DLGAP2: variants seen among roughly 807,000 people sequenced by gnomAD.
DLGAP2 encodes the protein DLG associated protein 2, also known as disks large-associated protein 2.
Under a neutral mutation model 100.3 loss-of-function variants are expected in DLGAP2, and 26 were observed. The observed-to-expected ratio is 0.26, with a 90% CI of 0.19 to 0.36. The LOEUF is 0.36. Ranked by LOEUF, DLGAP2 falls within the 10% of genes least tolerant of loss-of-function variation. The pLI is 1.00. For synonymous variants in DLGAP2, 886 were observed against 630.1 expected, an observed-to-expected ratio of 1.41 and a Z score of -6.08; for missense variants, 1,858 against 1,453.2, an observed-to-expected ratio of 1.28 and a Z score of -4.53.
At chr8:1,098,716 G>GCCCACGGGCGCCGCCA (rs1804479405) in intron 2 of DLGAP2, among the ~76,000 whole-genome samples, 1 of 132,226 alleles carries the variant, frequency 7.6e-6, no homozygotes, top group Non-Finnish European at 1.6e-5. Flanking sequence ...GCTCCCGGCC[G>GCCCACGGGCGCCGCCA]CCCACGGGCG....
At chr8:868,881 G>T (rs938659978) in intron 1 of DLGAP2, among the ~76,000 whole-genome samples, 1 of 152,198 alleles carries the variant, frequency 6.6e-6, no homozygotes, top group Non-Finnish European at 1.5e-5. Context: ...GGGCCGCGCA[G>T]GTTCCAGTCA....
At chr8:1,429,651 C>T (rs373022716) in intron 3 of DLGAP2, among the ~76,000 whole-genome samples, 11 of 151,912 alleles carry the variant, frequency 7.2e-5, no homozygotes, top group East Asian at 2.0e-4. Flanking sequence ...TTCCACTGCC[C>T]GGTGTCAGCA....
intron 1 of DLGAP2, among the ~76,000 whole-genome samples, chr8:806,021 T>TTTGAGGAAGAAAAAGATAGATAGAATTG (rs1796262160): frequency 6.6e-6 from 1 of 152,244 alleles, no homozygotes; most frequent in African/African-American, 2.4e-5. Context: ...GATAGAATGA[T>TTTGAGGAAGAAAAAGATAGATAGAATTG]GCATTTTGCC....
intron 3 of DLGAP2, chr8:1,301,918 A>AGGG (rs938776215): frequency 1.3e-5 from 2 of 152,324 alleles, no homozygotes; most frequent in African/African-American, 2.4e-5. Flanking sequence ...GGTCCCAGGG[A>AGGG]GGGGGGAGGA....
rs1298048346 is a variant in DLGAP2 at position 988,587 on chromosome 8, C to T, written c.73+80621C>T. 3.3e-5 allele frequency among the ~76,000 whole-genome samples: 5 copies of T among 152,202 alleles called. No individual in the cohort carries two copies. The East Asian group carries it at 7.7e-4, about 23-fold the overall frequency. On this transcript the variant is annotated intron_variant, in intron 2 of 14. Coordinates refer to ENST00000637795, the MANE Select transcript of DLGAP2 (RefSeq NM_001346810.2). ...GCTTGTCCCTGGGGGTGTCTGGCCT[C>T]AGCCTCCTCCCTTCCAGGGTCTGAT... is the stretch of plus-strand genomic sequence containing the variant.
chr8:1,111,551 G>A (rs766451273), intron 2 of DLGAP2, among the ~76,000 whole-genome samples: 8 of 151,894 alleles, frequency 5.3e-5, no homozygotes, highest in Non-Finnish European at 1.0e-4. Context: ...TCCCCTCCCC[G>A]CTCCCATATG....
At chr8:1,463,148 C>T (rs992211177) in intron 3 of DLGAP2, among the ~76,000 whole-genome samples, 4 of 152,254 alleles carry the variant, frequency 2.6e-5, no homozygotes, top group East Asian at 1.9e-4. Context: ...ACTCGGGAGG[C>T]TGAGGCAGGA....
At chr8:1,323,203 G>C (rs1563082731) in intron 3 of DLGAP2, among the ~76,000 whole-genome samples, 1 of 151,862 alleles carries the variant, frequency 6.6e-6, no homozygotes, top group Non-Finnish European at 1.5e-5. Context: ...CTTACTTTTT[G>C]TATTTTACTG....
chr8:1,183,501 G>A (rs73534902), intron 2 of DLGAP2, among the ~76,000 whole-genome samples: 11,897 of 152,208 alleles, frequency 0.078, 1,375 homozygotes, highest in African/African-American at 0.25. Flanking sequence ...AGGGTTCCAA[G>A]CCCTGGAAAT....
At chr8:1,124,880 A>C (rs1796130384) in intron 2 of DLGAP2, among the ~76,000 whole-genome samples, 1 of 152,084 alleles carries the variant, frequency 6.6e-6, no homozygotes, top group Non-Finnish European at 1.5e-5. Flanking sequence ...TTCAGGCATG[A>C]TTCCCATTCC....
intron 3 of DLGAP2, among the ~76,000 whole-genome samples, chr8:1,414,218 G>T (rs947707064): frequency 4.6e-5 from 7 of 152,206 alleles, no homozygotes; most frequent in Non-Finnish European, 1.0e-4. Context: ...AAGTGCTAAA[G>T]CTGGAAACTG....
intron 2 of DLGAP2, among the ~76,000 whole-genome samples, chr8:1,033,820 A>G (rs865833811): frequency 4.7e-4 from 55 of 118,176 alleles, no homozygotes; most frequent in African/African-American, 8.8e-4. Flanking sequence ...CCGCGAGTGG[A>G]TTCACACGCT....
rs145333479 is a variant in DLGAP2 at position 1,324,223 on chromosome 8, C to G, written c.106+65340C>G. Among the ~76,000 whole-genome samples, 372 of 152,322 alleles carry G rather than the reference C, an allele frequency of 2.4e-3. 5 individuals are homozygous for G. Among genetic ancestry groups the G allele is most frequent in the South Asian group, 0.014 (69 of 4,824 alleles). On this transcript the variant is annotated intron_variant, in intron 3 of 14. Coordinates refer to ENST00000637795, the MANE Select transcript of DLGAP2 (RefSeq NM_001346810.2). ...GTCTTTCCCAAATTAGGACAAACCA[C>G]TGTCTCTGCCCCCATAAGAACAGAA...
chr8:1,234,021 G>T (rs1798591734), intron 2 of DLGAP2, among the ~76,000 whole-genome samples: 1 of 152,172 alleles, frequency 6.6e-6, no homozygotes, highest in African/African-American at 2.4e-5. Flanking sequence ...GTTGGTGACT[G>T]CTAATGGCAC....
chr8:1,204,226 T>C (rs1050534744), intron 2 of DLGAP2, among the ~76,000 whole-genome samples: 15 of 152,212 alleles, frequency 9.9e-5, no homozygotes, highest in African/African-American at 3.4e-4. Context: ...GCTCCTACTG[T>C]GTGCCCTGCG....
chr8:764,840 A>G (rs574466873), intron 1 of DLGAP2, among the ~76,000 whole-genome samples: 1 of 152,316 alleles, frequency 6.6e-6, no homozygotes, highest in Admixed American at 6.5e-5. Context: ...CTAGCCACAG[A>G]ACTTTAAAAA....
In DLGAP2 at chr8:1,044,493, G is replaced by A. The variant is rs147549818; in HGVS notation, c.73+136527G>A. On this transcript the variant is annotated intron_variant, in intron 2 of 14. Transcript: ENST00000637795. The stretch of plus-strand genomic sequence containing the variant: ...CACCTGGCTTAAACGCAGTCCTAGC[G>A]CTGAAATCTGTGCCATAGGACATTT... Among the ~76,000 whole-genome samples, 25 of 152,324 alleles carry A rather than the reference G, an allele frequency of 1.6e-4. 1 individual carries two copies. The East Asian group carries it at 4.3e-3, about 26-fold the overall frequency.
At chr8:820,565 AG>A (rs1796565184) in intron 1 of DLGAP2, among the ~76,000 whole-genome samples, 1 of 152,256 alleles carries the variant, frequency 6.6e-6, no homozygotes, top group Non-Finnish European at 1.5e-5. Flanking sequence ...TCACATTAAA[AG>A]GTCCCCAGAC....
intron 5 of DLGAP2, among the ~76,000 whole-genome samples, chr8:1,560,084 G>A (rs532995743): frequency 6.6e-6 from 1 of 152,146 alleles, no homozygotes; most frequent in South Asian, 2.1e-4. Flanking sequence ...AAAAATAAGG[G>A]TGTTTATTAC....
Sources: gnomAD v4.1 joint callset for allele counts (sites outside exome capture counted in the v4.1 genomes callset) on GRCh38, gnomAD v4.1.1 for gene constraint, MANE v1.5 for transcripts, NCBI Gene and HGNC (gene_info 2026-07-23, HGNC 2026-07-21) for gene names.